The following SLC11A2 variants were observed in gnomAD, a reference collection of about 807,000 sequenced individuals.
The protein encoded by SLC11A2 is solute carrier family 11 member 2.
In SLC11A2, 38 loss-of-function variants were observed where a neutral mutation model predicts 68.0. The observed-to-expected ratio is 0.56, with a 90% confidence interval of 0.43 to 0.73. The LOEUF (loss-of-function observed/expected upper bound fraction) is 0.73. Ranked by LOEUF, SLC11A2 falls within the 30% of genes least tolerant of loss-of-function variation. The pLI, the probability that SLC11A2 is intolerant of heterozygous loss-of-function variation, is 0.00. For synonymous variants in SLC11A2, 242 were observed against 250.6 expected, an observed-to-expected ratio of 0.97 and a Z score of 0.32; for missense variants, 517 against 690.5, an observed-to-expected ratio of 0.75 and a Z score of 2.82.
At chr12:51,007,817 T>C (rs920257062) in intron 3 of SLC11A2, among the ~76,000 whole-genome samples, 3 of 151,800 alleles carry the variant, frequency 2.0e-5, no homozygotes, top group African/African-American at 7.3e-5. Context: ...ATTTTTGTAT[T>C]TTTTGTAGAG....
chr12:50,955,053 A>G, the SLC11A2 span, among the ~76,000 whole-genome samples: 1 of 152,172 alleles, frequency 6.6e-6, no homozygotes, highest in Non-Finnish European at 1.5e-5. Flanking sequence ...GCACTTTGAG[A>G]GGCCGAGGCA....
Position 50,987,276 on chromosome 12 carries a change from A to G in SLC11A2, c.*1049T>C. The G allele has an allele frequency of 7.8e-7, 1 of 1,287,222 alleles. No individual in the cohort carries two copies. The highest frequency in any genetic ancestry group is 1.0e-6 in the Non-Finnish European group (1 of 988,696). The allele number at this position is 1,287,222 out of a possible 1,614,324, so 79.7% of individuals were successfully genotyped here. ...ACTGACTTGCAGAGAACGCTGAGAA[A>G]GACAGTGTGCTTTGCAACGGTTAAG... On this transcript the variant is annotated 3_prime_UTR_variant, in exon 16 of 16. Coordinates refer to ENST00000262052, the MANE Select transcript of SLC11A2 (RefSeq NM_000617.3).
In SLC11A2 at chr12:50,987,465, C is replaced by G. The variant is rs1369531940; in HGVS notation, c.*860G>C. 10 of 1,287,038 alleles carry G rather than the reference C, an allele frequency of 7.8e-6. No individual in the cohort carries two copies. The South Asian group carries it at 1.2e-4, about 16-fold the overall frequency. 79.7% of individuals were successfully genotyped at this position (1,287,038 alleles called of 1,614,324 possible). A position where few individuals can be genotyped will look rare whatever the true frequency, so the allele number is the denominator to read the frequency against. Reference sequence around the variant, plus strand: ...CACCCTCAACATTTCACGAGAACATCAGTTCATAAATACTACCATCTGTTT... The same window carrying G: ...CACCCTCAACATTTCACGAGAACATGAGTTCATAAATACTACCATCTGTTT... On this transcript the variant is annotated 3_prime_UTR_variant, in exon 16 of 16. Coordinates refer to ENST00000262052, the MANE Select transcript of SLC11A2 (RefSeq NM_000617.3).
At chr12:50,979,914 A>G (rs534760304), downstream of SLC11A2, 50 of 453,998 alleles carry the variant, frequency 1.1e-4, no homozygotes, top group South Asian at 7.6e-4. Context: ...CTGACTCAAC[A>G]CCTTTGGGGC....
Position 50,988,081 on chromosome 12 carries a change from T to C in SLC11A2, c.*244A>G. 6.9e-7 allele frequency: 1 copy of C among 1,443,810 alleles called. No individual in the cohort carries two copies. Among genetic ancestry groups the C allele is most frequent in the East Asian group, 3.1e-5 (1 of 32,528 alleles). The allele number at this position is 1,443,810 out of a possible 1,614,324, so 89.4% of individuals were successfully genotyped here. On this transcript the variant is annotated 3_prime_UTR_variant, in exon 16 of 16. Coordinates refer to ENST00000262052, the MANE Select transcript of SLC11A2 (RefSeq NM_000617.3). Reference sequence around the variant, plus strand: ...GGGCAACTACTTAAGAATTTAGTGTTGGAATGATAGCAGCAAATGTCAGCT... The same window carrying C: ...GGGCAACTACTTAAGAATTTAGTGTCGGAATGATAGCAGCAAATGTCAGCT...
intron 1 of SLC11A2, among the ~76,000 whole-genome samples, chr12:51,021,077 C>T (rs1944009682): frequency 1.3e-5 from 2 of 152,150 alleles, no homozygotes; most frequent in East Asian, 1.9e-4. Context: ...GATGACAAAG[C>T]GAGACCCTGT....
upstream of SLC11A2, chr12:51,028,044 G>C: frequency 2.0e-6 from 1 of 497,886 alleles, no homozygotes; most frequent in Non-Finnish European, 3.5e-6. Context: ...TTTCAGAAAG[G>C]TTTGATGAAG....
At chr12:50,961,099 C>G in the SLC11A2 span, 1 of 1,613,612 alleles carries the variant, frequency 6.2e-7, no homozygotes, top group South Asian at 1.1e-5. Context: ...AGCTGTGACT[C>G]TAGGTAACCC....
upstream of SLC11A2, chr12:51,028,570 G>A (rs999844335): frequency 1.7e-5 from 4 of 235,570 alleles, no homozygotes; most frequent in African/African-American, 9.0e-5. Context: ...GAAAGGGGTG[G>A]AGTAAGAAAT....
At chr12:50,970,353 G>A in the SLC11A2 span, 12 of 743,774 alleles carry the variant, frequency 1.6e-5, no homozygotes, top group African/African-American at 1.2e-4. Context: ...TTAAATTGTG[G>A]GCTAGTTTCA....
the SLC11A2 span, among the ~76,000 whole-genome samples, chr12:50,957,940 GTGTGTGTGTGTGTGTGTGTGT>G: frequency 9.2e-5 from 6 of 64,866 alleles, no homozygotes; most frequent in Non-Finnish European, 1.6e-4. Context: ...AATTGGAGGT[GTGTGTGTGTGTGTGTGTGTGT>G]GTGTGTGTGT....
intron 1 of SLC11A2, among the ~76,000 whole-genome samples, chr12:51,019,842 A>T (rs1943918016): frequency 6.6e-6 from 1 of 151,654 alleles, no homozygotes; most frequent in South Asian, 2.1e-4. Flanking sequence ...ACATGGTTTC[A>T]CCATGTTGCC....
At chr12:50,992,442 C>T in intron 12 of SLC11A2, 103 bp from the exon 13 acceptor site, 1 of 1,095,582 alleles carries the variant, frequency 9.1e-7, no homozygotes, top group Non-Finnish European at 1.4e-6. Flanking sequence ...TAAGAAGTGA[C>T]AAAAGGGGCC....
At chr12:50,992,710 C>T (rs989715589) in intron 12 of SLC11A2, 100 bp downstream of exon 12, 29 of 1,308,316 alleles carry the variant, frequency 2.2e-5, no homozygotes, top group Admixed American at 1.4e-4. Flanking sequence ...CCAACTTGGG[C>T]GACGAGTGAG....
chr12:50,982,599 C>T (rs1940133836), downstream of SLC11A2, among the ~76,000 whole-genome samples: 1 of 151,924 alleles, frequency 6.6e-6, no homozygotes, highest in African/African-American at 2.4e-5. Flanking sequence ...TGCACTCCAG[C>T]CTGGCGACAG....
rs199544199 is a variant in SLC11A2 at position 50,992,163 on chromosome 12, G to A, written c.1347+27C>T. The A allele has an allele frequency of 2.9e-5, 46 of 1,612,536 alleles. No individual in the cohort carries two copies. The Admixed American group carries it at 4.3e-4, about 15-fold the overall frequency. On this transcript the variant is annotated intron_variant, in intron 13 of 15. Transcript: ENST00000262052. ...TACATAATGCTACCTGAATAACTAG[G>A]ATGTGTTTCCTCAGCTTCCTCCTCA...
At chr12:50,953,988 T>C in the SLC11A2 span, 5 of 1,552,550 alleles carry the variant, frequency 3.2e-6, 1 homozygote, top group South Asian at 5.6e-5. Context: ...CTATTGTTAC[T>C]AGAGAAAAAA....
chr12:50,993,692 G>C (rs761277350), intron 11 of SLC11A2, among the ~76,000 whole-genome samples: 3 of 151,984 alleles, frequency 2.0e-5, no homozygotes, highest in Non-Finnish European at 4.4e-5. Flanking sequence ...GCCAGGTGTG[G>C]TGGTACACAC....
In SLC11A2 at chr12:50,992,852, G is replaced by A; in HGVS notation, c.1155C>T (p.Ser385=). 1 of 1,613,952 alleles carries A rather than the reference G, an allele frequency of 6.2e-7. No homozygotes were observed. Among genetic ancestry groups the A allele is most frequent in the African/African-American group, 1.3e-5 (1 of 74,978 alleles). ...CAGAATAGGTTCCTGTCATGGTGGA[G>A]CTCTGTCCTGCAGCCAGGATCCCCA... ...WAVGILAAGQ[S]STMTGTYSGQ... is the part of the protein sequence containing the mutation. Residue 385 remains serine (S), a synonymous_variant, in exon 12 of 16, where the codon AGC becomes AGT. Transcript: ENST00000262052.
Sources: gnomAD v4.1 joint callset for allele counts (sites outside exome capture counted in the v4.1 genomes callset) on GRCh38, gnomAD v4.1.1 for gene constraint, MANE v1.5 for transcripts, NCBI Gene and HGNC (gene_info 2026-07-23, HGNC 2026-07-21) for gene names.